The following TBC1D22A variants were observed in gnomAD, a reference collection of about 807,000 sequenced individuals.
TBC1D22A encodes putative GTPase activator.
TBC1D22A carries 38 observed loss-of-function variants against 60.2 expected under a neutral mutation model. The ratio of observed to expected loss-of-function variants is 0.63; its 90% CI spans 0.49 to 0.83. TBC1D22A has a LOEUF of 0.83. TBC1D22A is among the 40% of genes least tolerant of loss of function. The pLI is 0.00. For synonymous variants in TBC1D22A, 302 were observed against 281.7 expected (o/e 1.07, Z -0.72); for missense variants, 628 against 701.0 (o/e 0.90, Z 1.18).
At chr22:46,949,638 T>C (rs1031411518) in intron 8 of TBC1D22A, among the ~76,000 whole-genome samples, 7 of 152,400 alleles carry the variant, frequency 4.6e-5, no homozygotes, top group Non-Finnish European at 8.8e-5. Flanking sequence ...TTCATCCATC[T>C]GCCGACCAGG....
In TBC1D22A at chr22:46,912,120, G is replaced by A. The variant is rs2069972441; in HGVS notation, c.947G>A (p.Ser316Asn). ...LFIWAIRHPA[S>N]GYVQGINDLV... The stretch of plus-strand genomic sequence containing the variant: ...ATATGGGCGATCCGCCACCCAGCCA[G>A]TGGATACGTTCAGGGTATAAATGAT... The change falls in exon 8 of 13, where the codon AGT becomes AAT. Residue 316 changes from serine to asparagine, a missense_variant. Transcript: ENST00000337137. 6.2e-7 allele frequency: 1 copy of A among 1,614,094 alleles called. No individual in the cohort carries two copies. Among genetic ancestry groups the A allele is most frequent in the Non-Finnish European group, 8.5e-7 (1 of 1,179,982 alleles).
intron 5 of TBC1D22A, among the ~76,000 whole-genome samples, chr22:46,879,116 G>GTT (rs131870): frequency 8.1e-5 from 11 of 135,428 alleles, no homozygotes; most frequent in East Asian, 2.1e-4. Context: ...GTTTGACCAA[G>GTT]TTTTTTTTTT....
At chr22:47,051,391 G>A (rs1303750798) in intron 11 of TBC1D22A, among the ~76,000 whole-genome samples, 1 of 152,148 alleles carries the variant, frequency 6.6e-6, no homozygotes, top group Non-Finnish European at 1.5e-5. Flanking sequence ...GGAAAATACT[G>A]TCTTTCCGTC....
intron 9 of TBC1D22A, among the ~76,000 whole-genome samples, chr22:46,983,338 A>C (rs550875053): frequency 3.9e-5 from 6 of 152,380 alleles, no homozygotes; most frequent in Middle Eastern, 3.4e-3. Flanking sequence ...CATGGGGACT[A>C]ATCCTCAATG....
At chr22:46,870,373 G>A (rs1402163768) in intron 4 of TBC1D22A, among the ~76,000 whole-genome samples, 2 of 152,178 alleles carry the variant, frequency 1.3e-5, no homozygotes, top group Admixed American at 1.3e-4. Flanking sequence ...TTTTGGTGGT[G>A]TTTTCCTGAA....
chr22:47,111,285 T>TCAAA (rs767670047), intron 11 of TBC1D22A, among the ~76,000 whole-genome samples: 25 of 152,366 alleles, frequency 1.6e-4, no homozygotes, highest in Non-Finnish European at 3.2e-4. Context: ...GGTCTGCTGT[T>TCAAA]CACATGCTGT....
chr22:47,077,253 T>C (rs1050018631), intron 11 of TBC1D22A, among the ~76,000 whole-genome samples: 4 of 152,348 alleles, frequency 2.6e-5, no homozygotes, highest in Non-Finnish European at 2.9e-5. Context: ...TTCACTACTC[T>C]TGTACATACT....
At chr22:46,829,709 G>T (rs11913536) in intron 4 of TBC1D22A, among the ~76,000 whole-genome samples, 1 of 152,032 alleles carries the variant, frequency 6.6e-6, no homozygotes, top group African/African-American at 2.4e-5. Context: ...TGGGGCCAGC[G>T]GCGTTTCTAT....
chr22:47,013,871 A>G (rs1361358268), intron 10 of TBC1D22A, among the ~76,000 whole-genome samples: 1 of 152,152 alleles, frequency 6.6e-6, no homozygotes. Flanking sequence ...ACCCACAGTC[A>G]CCTAGGCCTC....
At chr22:46,880,925 T>C (rs1457116536) in intron 5 of TBC1D22A, among the ~76,000 whole-genome samples, 1 of 152,116 alleles carries the variant, frequency 6.6e-6, no homozygotes, top group Non-Finnish European at 1.5e-5. Context: ...TGTTGGGTGC[T>C]AAGAAAGGGT....
At chr22:47,014,411 A>T (rs2061844259) in intron 10 of TBC1D22A, among the ~76,000 whole-genome samples, 1 of 152,014 alleles carries the variant, frequency 6.6e-6, no homozygotes, top group East Asian at 1.9e-4. Flanking sequence ...CCCAGACTAG[A>T]CCCAGGGCCC....
At chr22:47,148,968 C>A (rs562599016) in intron 12 of TBC1D22A, among the ~76,000 whole-genome samples, 2 of 149,302 alleles carry the variant, frequency 1.3e-5, no homozygotes, top group Non-Finnish European at 2.9e-5. Flanking sequence ...CCCTTCATGC[C>A]GGTTCTAGGG....
At chr22:46,872,847 A>T (rs60153082) in intron 4 of TBC1D22A, among the ~76,000 whole-genome samples, 1 of 152,070 alleles carries the variant, frequency 6.6e-6, no homozygotes, top group African/African-American at 2.4e-5. Flanking sequence ...GTGGGATTCT[A>T]TGAGCTGGGG....
intron 11 of TBC1D22A, among the ~76,000 whole-genome samples, chr22:47,079,542 T>C (rs1301739481): frequency 6.6e-6 from 1 of 152,256 alleles, no homozygotes; most frequent in Non-Finnish European, 1.5e-5. Context: ...GTAAGGTTCT[T>C]ATATTTAAGT....
chr22:46,829,096 G>A (rs964841343), intron 4 of TBC1D22A, among the ~76,000 whole-genome samples: 17 of 152,260 alleles, frequency 1.1e-4, no homozygotes, highest in Non-Finnish European at 1.9e-4. Context: ...GGGTTTCCCT[G>A]CTTCGCTTCT....
chr22:47,038,165 G>A (rs540912347), intron 11 of TBC1D22A, among the ~76,000 whole-genome samples: 1 of 152,314 alleles, frequency 6.6e-6, no homozygotes, highest in East Asian at 1.9e-4. Flanking sequence ...CATTATGTGG[G>A]ATTAGGAATC....
intron 12 of TBC1D22A, chr22:47,116,805 A>C (rs1305708383): frequency 2.0e-5 from 3 of 152,494 alleles, no homozygotes; most frequent in Non-Finnish European, 4.4e-5. Flanking sequence ...AGGTGTGTGC[A>C]GTGCCTAGGT....
At chr22:46,901,688 A>G (rs958536556) in intron 7 of TBC1D22A, among the ~76,000 whole-genome samples, 3 of 138,610 alleles carry the variant, frequency 2.2e-5, no homozygotes, top group Non-Finnish European at 4.7e-5. Flanking sequence ...GGTTTCATTC[A>G]TCAAGTGTTA....
At chr22:47,048,138 G>A (rs1401526012) in intron 11 of TBC1D22A, among the ~76,000 whole-genome samples, 1 of 152,224 alleles carries the variant, frequency 6.6e-6, no homozygotes, top group Non-Finnish European at 1.5e-5. Context: ...CTGGGACTCA[G>A]CTCTCTGGGT....
Sources: gnomAD v4.1 joint callset for allele counts (sites outside exome capture counted in the v4.1 genomes callset) on GRCh38, gnomAD v4.1.1 for gene constraint, MANE v1.5 for transcripts, NCBI Gene and HGNC (gene_info 2026-07-23, HGNC 2026-07-21) for gene names.